Variants in NELL1 observed in about 807,000 individuals in gnomAD.
NELL1 encodes protein kinase C-binding protein NELL1.
Under a neutral mutation model 107.4 loss-of-function variants are expected in NELL1, and 76 were observed. That is an observed-to-expected ratio of 0.71 (90% CI 0.59 to 0.86). NELL1 has a LOEUF of 0.86. Ranked by LOEUF, NELL1 falls within the 40% of genes least tolerant of loss-of-function variation. The pLI is 0.00. For missense variants in NELL1, 1,024 were observed against 1,005.5 expected (o/e 1.02, Z -0.25); for synonymous variants, 353 against 341.2 (o/e 1.03, Z -0.38).
chr11:20,820,076 G>T (rs984149457), intron 3 of NELL1, among the ~76,000 whole-genome samples: 2 of 152,114 alleles, frequency 1.3e-5, no homozygotes, highest in Non-Finnish European at 2.9e-5. Context: ...TGGTTTTATG[G>T]CCCCAAATTT....
chr11:21,314,045 G>A (rs1206080306), intron 14 of NELL1, among the ~76,000 whole-genome samples: 1 of 122,660 alleles, frequency 8.2e-6, no homozygotes, highest in Non-Finnish European at 1.6e-5. Flanking sequence ...GCCATGTGAA[G>A]TGCCTATTCT....
intron 4 of NELL1, among the ~76,000 whole-genome samples, chr11:20,864,574 A>G (rs1039026134): frequency 6.6e-6 from 1 of 152,218 alleles, no homozygotes; most frequent in Non-Finnish European, 1.5e-5. Flanking sequence ...TCCTGCCTCC[A>G]TAGGCCATCG....
At chr11:21,277,920 G>A (rs2133943683) in intron 14 of NELL1, among the ~76,000 whole-genome samples, 1 of 152,216 alleles carries the variant, frequency 6.6e-6, no homozygotes, top group East Asian at 1.9e-4. Context: ...AAGGGGGAGG[G>A]ATAGCATTAG....
At chr11:20,858,188 A>G (rs1490305473) in intron 4 of NELL1, among the ~76,000 whole-genome samples, 1 of 152,130 alleles carries the variant, frequency 6.6e-6, no homozygotes, top group Non-Finnish European at 1.5e-5. Flanking sequence ...CTGTAGTCCT[A>G]ATGCAAGATA....
intron 15 of NELL1, among the ~76,000 whole-genome samples, chr11:21,514,042 A>C (rs1250002559): frequency 6.6e-6 from 1 of 152,184 alleles, no homozygotes; most frequent in African/African-American, 2.4e-5. Context: ...AAAACATAAA[A>C]CTTGATTAAT....
chr11:21,032,357 C>T (rs879798367), intron 12 of NELL1, among the ~76,000 whole-genome samples: 1 of 151,792 alleles, frequency 6.6e-6, no homozygotes, highest in South Asian at 2.1e-4. Context: ...TTTTGTTTTC[C>T]TTATAGACTT....
intron 13 of NELL1, among the ~76,000 whole-genome samples, chr11:21,122,585 C>G (rs1318409435): frequency 3.3e-5 from 5 of 151,948 alleles, no homozygotes; most frequent in Admixed American, 3.3e-4. Flanking sequence ...ACTAACTATT[C>G]TTTGGCCAAA....
intron 14 of NELL1, among the ~76,000 whole-genome samples, chr11:21,304,935 A>C (rs1240140546): frequency 6.6e-6 from 1 of 151,998 alleles, no homozygotes; most frequent in East Asian, 1.9e-4. Context: ...AGAAACAAGA[A>C]GACATTGGTG....
chr11:21,524,279 T>C (rs1469139861), intron 15 of NELL1, among the ~76,000 whole-genome samples: 8 of 152,112 alleles, frequency 5.3e-5, no homozygotes, highest in African/African-American at 1.9e-4. Context: ...TCAGAGGCAT[T>C]CTGAAGATCA....
In NELL1 at chr11:20,836,571, C is replaced by G. The variant is rs552529247; in HGVS notation, c.336-11012C>G. Among the ~76,000 whole-genome samples the G allele has an allele frequency of 4.6e-5, 7 of 151,850 alleles. No individual in the cohort carries two copies. The South Asian group carries it at 1.5e-3, about 32-fold the overall frequency. On this transcript the variant is annotated intron_variant, in intron 3 of 19. Coordinates refer to ENST00000357134, the MANE Select transcript of NELL1 (RefSeq NM_006157.5). Reference sequence around the variant, plus strand: ...ATGTATATGATGAAGTATTACTCAGCTATAAAAAAAAACAACGCATGATTA... The same window carrying G: ...ATGTATATGATGAAGTATTACTCAGGTATAAAAAAAAACAACGCATGATTA...
intron 14 of NELL1, among the ~76,000 whole-genome samples, chr11:21,298,256 T>C (rs1182939403): frequency 3.3e-5 from 5 of 152,046 alleles, no homozygotes; most frequent in African/African-American, 7.2e-5. Context: ...TTAAGCTAGT[T>C]CCCAGCACCA....
At chr11:21,236,323 A>G (rs1369459431) in intron 14 of NELL1, among the ~76,000 whole-genome samples, 2 of 152,232 alleles carry the variant, frequency 1.3e-5, no homozygotes, top group Non-Finnish European at 1.5e-5. Context: ...ATGGATGCTC[A>G]GTAAATACAT....
chr11:20,812,461 T>C (rs953809852), intron 3 of NELL1, among the ~76,000 whole-genome samples: 2 of 152,266 alleles, frequency 1.3e-5, no homozygotes, highest in African/African-American at 2.4e-5. Flanking sequence ...GTCAGTGTAA[T>C]GCTGGCCTCA....
intron 13 of NELL1, among the ~76,000 whole-genome samples, chr11:21,213,492 CAATTGAATTGAATTG>C (rs564816256): frequency 6.6e-6 from 1 of 151,692 alleles, no homozygotes; most frequent in African/African-American, 2.4e-5. Flanking sequence ...TCGACTGAAT[CAATTGAATTGAATTG>C]AATTGAATTG....
intron 2 of NELL1, among the ~76,000 whole-genome samples, chr11:20,705,015 A>T (rs1854904824): frequency 6.6e-6 from 1 of 152,188 alleles, no homozygotes; most frequent in African/African-American, 2.4e-5. Context: ...ATAAAAGAGG[A>T]TACAAACAAA....
intron 3 of NELL1, among the ~76,000 whole-genome samples, chr11:20,814,280 C>T (rs535692480): frequency 3.3e-5 from 5 of 152,344 alleles, no homozygotes; most frequent in East Asian, 1.9e-4. Flanking sequence ...AGGCGTGAGC[C>T]ACCACACCCA....
intron 15 of NELL1, among the ~76,000 whole-genome samples, chr11:21,525,714 A>G (rs1269172590): frequency 6.6e-6 from 1 of 152,224 alleles, no homozygotes; most frequent in African/African-American, 2.4e-5. Context: ...AAGGTGAATG[A>G]GAAGAAAAGT....
intron 14 of NELL1, among the ~76,000 whole-genome samples, chr11:21,361,130 C>T (rs1238820977): frequency 1.3e-5 from 2 of 152,008 alleles, no homozygotes; most frequent in Non-Finnish European, 2.9e-5. Flanking sequence ...TTTAGAACTC[C>T]TTTTACCATT....
intron 14 of NELL1, among the ~76,000 whole-genome samples, chr11:21,312,133 T>G (rs1478096417): frequency 6.6e-6 from 1 of 152,108 alleles, no homozygotes; most frequent in Non-Finnish European, 1.5e-5. Flanking sequence ...TGTAAGTTAC[T>G]CTGTGTATGG....
Sources: gnomAD v4.1 joint callset for allele counts (sites outside exome capture counted in the v4.1 genomes callset) on GRCh38, gnomAD v4.1.1 for gene constraint, MANE v1.5 for transcripts, NCBI Gene and HGNC (gene_info 2026-07-23, HGNC 2026-07-21) for gene names.